The following COL6A5 variants were observed in gnomAD, a reference collection of about 807,000 sequenced individuals.
COL6A5 encodes collagen type VI alpha 5 chain, also known as collagen alpha-5(VI) chain.
COL6A5 carries 48 observed loss-of-function variants against 65.6 expected under a neutral mutation model. The ratio of observed to expected loss-of-function variants is 0.73; its 90% CI spans 0.58 to 0.93. The LOEUF (loss-of-function observed/expected upper bound fraction) is 0.93, where lower values mean the gene tolerates loss of function less well. Among genes scored for constraint, COL6A5 ranks in the 40% least tolerant of loss-of-function variants. COL6A5 has a pLI of 0.00. For synonymous variants in COL6A5, 291 were observed against 322.8 expected (o/e 0.90, Z 1.05); for missense variants, 914 against 928.3 (o/e 0.98, Z 0.20).
chr3:130,452,221 C>T (rs111581975), intron 4 of COL6A5, among the ~76,000 whole-genome samples: 1,721 of 152,222 alleles, frequency 0.011, 39 homozygotes, highest in African/African-American at 0.038. Context: ...GTGGACCAAA[C>T]CGATGACGTT....
intron 8 of COL6A5, among the ~76,000 whole-genome samples, chr3:130,396,470 T>TC (rs1374139498): frequency 6.6e-6 from 1 of 152,198 alleles, no homozygotes; most frequent in Non-Finnish European, 1.5e-5. Flanking sequence ...CACGACTGTT[T>TC]CCCCATCTGT....
chr3:130,382,312 T>C lies in COL6A5; in HGVS notation c.1300+2262T>C, dbSNP rs528606000. Among the ~76,000 whole-genome samples the C allele has an allele frequency of 4.6e-5, 7 of 152,256 alleles. No homozygotes were observed. In the South Asian group the frequency reaches 1.5e-3, roughly 32 times the overall value. ...GGGAATGTAAATTTCTGGACACTCC[T>C]GGTTCAAGTGCCAGGCAAAGGAGTT... On this transcript the variant is annotated intron_variant and NMD_transcript_variant, in intron 4 of 41. Transcript: ENST00000312481.
Position 130,388,898 on chromosome 3 carries a change from G to A in COL6A5, c.2180G>A (p.Gly727Glu), listed in dbSNP as rs1167922356. 5 of 1,547,060 alleles carry A rather than the reference G, an allele frequency of 3.2e-6. 1 individual carries two copies. The highest frequency in any genetic ancestry group is 2.4e-5 in the South Asian group (2 of 83,628). The change falls in exon 6 of 42, where the codon GGG becomes GAG. Residue 727 changes from glycine to glutamate, a missense_variant and NMD_transcript_variant. Physicochemically the swap from Gly to Glu is moderately conservative, Grantham distance 98. Transcript: ENST00000312481. ...ACCCACTCCAAGGGGGCCCGTTTGGGGGCCAAAAAATTTCTCATCCTCATC... is the reference window on the plus strand; with the variant it reads ...ACCCACTCCAAGGGGGCCCGTTTGGAGGCCAAAAAATTTCTCATCCTCATC...
chr3:130,481,907 G>A (rs1033874043), intron 7 of COL6A5, among the ~76,000 whole-genome samples: 1 of 151,842 alleles, frequency 6.6e-6, no homozygotes, highest in Non-Finnish European at 1.5e-5. Context: ...TTTTTAAATT[G>A]TAAATTTGTT....
intron 21 of COL6A5, 46 bp downstream of exon 21, chr3:130,413,626 G>A (rs1392627638): frequency 6.5e-7 from 1 of 1,531,950 alleles, no homozygotes; most frequent in Non-Finnish European, 8.9e-7. Flanking sequence ...TGGGACCAAG[G>A]AGGTTTCTCC....
intron 4 of COL6A5, among the ~76,000 whole-genome samples, chr3:130,454,350 A>C (rs73871011): frequency 0.012 from 1,781 of 152,284 alleles, 40 homozygotes; most frequent in African/African-American, 0.04. Flanking sequence ...TCTCCACCAC[A>C]TATCTTCACC....
intron 4 of COL6A5, among the ~76,000 whole-genome samples, chr3:130,453,964 T>C (rs1709507461): frequency 6.6e-6 from 1 of 152,172 alleles, no homozygotes; most frequent in Admixed American, 6.5e-5. Context: ...GCACTGATCT[T>C]ATGTGAAGCA....
At chr3:130,381,726 C>T (rs1936001250) in intron 4 of COL6A5, among the ~76,000 whole-genome samples, 1 of 152,002 alleles carries the variant, frequency 6.6e-6, no homozygotes, top group Non-Finnish European at 1.5e-5. Context: ...TTTGGCAGCA[C>T]ACAACATGGA....
intron 1 of COL6A5, among the ~76,000 whole-genome samples, chr3:130,438,878 A>G (rs1345690373): frequency 6.6e-6 from 1 of 152,190 alleles, no homozygotes; most frequent in South Asian, 2.1e-4. Flanking sequence ...AGTGAGTATT[A>G]AAGTATTTTA....
At chr3:130,376,713 A>G (rs768028937) in exon 3 of COL6A5, 2 of 1,613,736 alleles carry the variant, frequency 1.2e-6, no homozygotes, top group South Asian at 2.2e-5. Context: ...GGCCATGGCC[A>G]CATCCCATTT....
intron 5 of COL6A5, among the ~76,000 whole-genome samples, chr3:130,463,306 C>A (rs1709741087): frequency 7.9e-6 from 1 of 126,692 alleles, no homozygotes; most frequent in African/African-American, 2.6e-5. Context: ...TTAATTTTGG[C>A]CCCTGAACAA....
At chr3:130,396,096 A>G (rs528147752) in intron 8 of COL6A5, among the ~76,000 whole-genome samples, 25 of 152,214 alleles carry the variant, frequency 1.6e-4, no homozygotes, top group Non-Finnish European at 3.1e-4. Context: ...ACTGAAAAAC[A>G]ATGATGCATC....
In COL6A5 at chr3:130,440,759, A is replaced by T; in HGVS notation, c.1177A>T (p.Arg393Ter). 1 of 1,613,372 alleles carries T rather than the reference A, an allele frequency of 6.2e-7. No homozygotes were observed. The highest frequency in any genetic ancestry group is 8.5e-7 in the Non-Finnish European group (1 of 1,179,626). ...TGATCAACACCTGATACAGCTTGGG[A>T]GAATACATAAACCAGATCTGAATTA... is the stretch of plus-strand genomic sequence containing the variant. Residue 393 changes from arginine (R) to a stop codon, truncating the protein, a stop_gained, in exon 3 of 8, where the codon AGA becomes TGA. Coordinates refer to ENST00000512836, the Ensembl canonical transcript of COL6A5. LOFTEE classifies it high-confidence loss of function.
chr3:130,483,892 A>G (rs1358180469), intron 7 of COL6A5, 143 bp from the exon 41 acceptor site: 1 of 632,954 alleles, frequency 1.6e-6, no homozygotes, highest in Non-Finnish European at 2.8e-6. Context: ...CATCACCCTG[A>G]GCTGGACTTC....
At chr3:130,412,171 C>T (rs935737826) in intron 20 of COL6A5, among the ~76,000 whole-genome samples, 1 of 152,172 alleles carries the variant, frequency 6.6e-6, no homozygotes, top group Non-Finnish European at 1.5e-5. Context: ...ACAAAGAATA[C>T]TTCTATAGCA....
exon 17 of COL6A5, chr3:130,406,298 G>A: frequency 6.5e-7 from 1 of 1,548,734 alleles, no homozygotes; most frequent in Non-Finnish European, 8.7e-7. Context: ...AATAAAAGGA[G>A]AAAAAGGTGA....
chr3:130,420,081 T>C (rs1937481591), intron 25 of COL6A5, among the ~76,000 whole-genome samples: 1 of 151,784 alleles, frequency 6.6e-6, no homozygotes, highest in Non-Finnish European at 1.5e-5. Context: ...GTCCAGCAAG[T>C]CTTAAAAAGT....
chr3:130,368,865 C>T (rs534979949), intron 1 of COL6A5, among the ~76,000 whole-genome samples: 1 of 152,300 alleles, frequency 6.6e-6, no homozygotes, highest in South Asian at 2.1e-4. Context: ...CTCAATGTGC[C>T]TTCCAGATGC....
chr3:130,428,412 G>A (rs1211441687), upstream of COL6A5, among the ~76,000 whole-genome samples: 4 of 152,130 alleles, frequency 2.6e-5, no homozygotes, highest in Admixed American at 6.5e-5. Flanking sequence ...AAAAGAAGGT[G>A]TCTAGAAGGC....
Sources: gnomAD v4.1 joint callset for allele counts (sites outside exome capture counted in the v4.1 genomes callset) on GRCh38, gnomAD v4.1.1 for gene constraint, MANE v1.5 for transcripts, NCBI Gene and HGNC (gene_info 2026-07-23, HGNC 2026-07-21) for gene names.